Variants in DENND1A observed in about 807,000 individuals in gnomAD.
DENND1A encodes DENN domain containing 1A, also known as DENN domain-containing protein 1A.
A neutral mutation model predicts 113.7 loss-of-function variants in DENND1A; 51 were observed. The observed-to-expected ratio is 0.45, with a 90% CI of 0.36 to 0.57. The LOEUF (loss-of-function observed/expected upper bound fraction) is 0.57, where lower values mean the gene tolerates loss of function less well. Ranked by LOEUF, DENND1A falls within the 20% of genes least tolerant of loss-of-function variation. The probability of loss-of-function intolerance (pLI) is 0.00; values close to 1 mark genes in which losing one functional copy is unlikely to be tolerated. For missense variants in DENND1A, 1,258 were observed against 1,395.9 expected, an observed-to-expected ratio of 0.90 and a Z score of 1.57; for synonymous variants, 565 against 570.8, an observed-to-expected ratio of 0.99 and a Z score of 0.14.
At position 123,440,438 on chromosome 9, in the gene DENND1A, A is replaced by G. The variant is rs1007325465; in HGVS notation, c.1410T>C (p.Thr470=). The change falls in exon 19 of 24, where the codon ACT becomes ACC. Residue 470 remains threonine, a synonymous_variant. Transcript: ENST00000394215. Reference sequence around the variant, plus strand: ...TGGCCTCCACCAGTGGGGACGGTGCAGTCTTTGGCAGCTGCTCTTCTGGGG... The same window carrying G: ...TGGCCTCCACCAGTGGGGACGGTGCGGTCTTTGGCAGCTGCTCTTCTGGGG... ...APTPEEQLPK[T]APSPLVEAKD... is the part of the protein sequence containing the mutation. 2 of 1,573,990 alleles carry G rather than the reference A, an allele frequency of 1.3e-6. No homozygotes were observed. The highest frequency in any genetic ancestry group is 2.3e-5 in the South Asian group (2 of 85,220).
chr9:123,460,255 G>C (rs2048427084), intron 13 of DENND1A, among the ~76,000 whole-genome samples: 1 of 152,206 alleles, frequency 6.6e-6, no homozygotes. Context: ...TTGCTCAACA[G>C]CTGAGAAACC....
At chr9:123,488,879 G>A (rs2133925456) in intron 13 of DENND1A, among the ~76,000 whole-genome samples, 1 of 152,290 alleles carries the variant, frequency 6.6e-6, no homozygotes, top group Non-Finnish European at 1.5e-5. Flanking sequence ...AAGGGAGAGA[G>A]GGCCTGCCGA....
At chr9:123,395,997 GCA>G (rs1443416649) in intron 21 of DENND1A, among the ~76,000 whole-genome samples, 1 of 151,788 alleles carries the variant, frequency 6.6e-6, no homozygotes, top group Non-Finnish European at 1.5e-5. Context: ...GTGTGTGTGT[GCA>G]CGCGTGTGAG....
chr9:123,598,377 G>A (rs1460425690), intron 11 of DENND1A, among the ~76,000 whole-genome samples: 1 of 148,812 alleles, frequency 6.7e-6, no homozygotes, highest in East Asian at 2.0e-4. Flanking sequence ...TTAGAAAATG[G>A]AACTCTGATC....
intron 8 of DENND1A, 87 bp downstream of exon 8, chr9:123,666,939 T>C (rs1589586847): frequency 1.1e-5 from 14 of 1,272,692 alleles, no homozygotes; most frequent in Non-Finnish European, 1.5e-5. Context: ...ATGATACTTT[T>C]AAATCACATC....
intron 5 of DENND1A, among the ~76,000 whole-genome samples, chr9:123,700,877 T>C (rs889770794): frequency 6.6e-6 from 1 of 152,208 alleles, no homozygotes; most frequent in Non-Finnish European, 1.5e-5. Flanking sequence ...AAAAAATGTA[T>C]CTCAGCAATG....
intron 21 of DENND1A, among the ~76,000 whole-genome samples, chr9:123,392,043 A>C (rs1370509045): frequency 6.6e-6 from 1 of 152,106 alleles, no homozygotes; most frequent in Admixed American, 6.6e-5. Context: ...TGACTTCCCG[A>C]ACCCCTTCTA....
intron 21 of DENND1A, among the ~76,000 whole-genome samples, chr9:123,388,601 T>C (rs1200143865): frequency 6.6e-6 from 1 of 152,330 alleles, no homozygotes; most frequent in South Asian, 2.1e-4. Flanking sequence ...GTCTTTTTCA[T>C]CTGTGATGTG....
intron 13 of DENND1A, among the ~76,000 whole-genome samples, chr9:123,481,581 C>T (rs1221939371): frequency 6.6e-6 from 1 of 152,126 alleles, no homozygotes; most frequent in African/African-American, 2.4e-5. Flanking sequence ...GGGGTCAGGT[C>T]CTACCAGCCA....
In DENND1A at chr9:123,547,187, T is replaced by A. The variant is rs897906584; in HGVS notation, c.993+10383A>T. ...TCATTTTTTCTCAATAGGCAACAAA[T>A]GTTTTGATGAATTAAGCCTCAATTA... On this transcript the variant is annotated intron_variant, in intron 13 of 23. Transcript: ENST00000394215. 2.0e-5 allele frequency among the ~76,000 whole-genome samples: 3 copies of A among 152,246 alleles called. No homozygotes were observed. The East Asian group carries it at 5.8e-4, about 29-fold the overall frequency.
At chr9:123,467,646 A>G (rs1182221437) in intron 13 of DENND1A, among the ~76,000 whole-genome samples, 1 of 152,040 alleles carries the variant, frequency 6.6e-6, no homozygotes, top group Non-Finnish European at 1.5e-5. Flanking sequence ...CAAGAGAGAA[A>G]CTCCGTCTTG....
At chr9:123,888,842 C>T (rs1229477673) in intron 1 of DENND1A, among the ~76,000 whole-genome samples, 1 of 152,092 alleles carries the variant, frequency 6.6e-6, no homozygotes, top group Non-Finnish European at 1.5e-5. Context: ...TTGCCATTAA[C>T]TTGCTGATTT....
intron 19 of DENND1A, among the ~76,000 whole-genome samples, chr9:123,424,371 G>A (rs1239626604): frequency 1.3e-5 from 2 of 152,176 alleles, no homozygotes; most frequent in Non-Finnish European, 2.9e-5. Context: ...TTCCCACGCA[G>A]GACATCCGGC....
At chr9:123,498,074 T>C (rs1292047216) in intron 13 of DENND1A, among the ~76,000 whole-genome samples, 7 of 152,198 alleles carry the variant, frequency 4.6e-5, no homozygotes, top group Admixed American at 3.9e-4. Flanking sequence ...ATAGAAGAAT[T>C]TCCATGCTGA....
chr9:123,768,785 T>C (rs1829249874), intron 4 of DENND1A, among the ~76,000 whole-genome samples: 1 of 146,682 alleles, frequency 6.8e-6, no homozygotes, highest in Non-Finnish European at 1.5e-5. Context: ...GTTAATACAT[T>C]AGTTTTATAA....
intron 13 of DENND1A, among the ~76,000 whole-genome samples, chr9:123,503,745 A>T (rs2052685901): frequency 6.6e-6 from 1 of 152,050 alleles, no homozygotes; most frequent in Non-Finnish European, 1.5e-5. Flanking sequence ...TAAAATGCTG[A>T]TTGGATTCTG....
chr9:123,848,814 T>C (rs952041435), intron 2 of DENND1A, among the ~76,000 whole-genome samples: 7 of 152,208 alleles, frequency 4.6e-5, no homozygotes, highest in South Asian at 2.1e-4. Context: ...AACAGCCTGA[T>C]TGCTGATACA....
intron 17 of DENND1A, 97 bp downstream of exon 17, chr9:123,452,179 G>T: frequency 1.7e-6 from 2 of 1,199,918 alleles, no homozygotes; most frequent in Non-Finnish European, 2.5e-6. Flanking sequence ...GGGCAACAGA[G>T]CAAGACCCAG....
intron 12 of DENND1A, among the ~76,000 whole-genome samples, chr9:123,561,211 A>G (rs1452892143): frequency 6.6e-6 from 1 of 152,130 alleles, no homozygotes; most frequent in Non-Finnish European, 1.5e-5. Flanking sequence ...GAGGTGTTTA[A>G]TTACCTTGGA....
Sources: gnomAD v4.1 joint callset for allele counts (sites outside exome capture counted in the v4.1 genomes callset) on GRCh38, gnomAD v4.1.1 for gene constraint, MANE v1.5 for transcripts, NCBI Gene and HGNC (gene_info 2026-07-23, HGNC 2026-07-21) for gene names.